The following SLIT3 variants were observed in gnomAD, a reference collection of about 807,000 sequenced individuals.
SLIT3 encodes slit guidance ligand 3.
In SLIT3, 68 loss-of-function variants were observed where a neutral mutation model predicts 184.0. That is an observed-to-expected ratio of 0.37 (90% CI 0.30 to 0.45). The LOEUF (loss-of-function observed/expected upper bound fraction) is 0.45, where lower values mean the gene tolerates loss of function less well. Ranked by LOEUF, SLIT3 falls within the 20% of genes least tolerant of loss-of-function variation. The pLI is 1.00. For missense variants in SLIT3, 1,707 were observed against 2,026.0 expected, an observed-to-expected ratio of 0.84 and a Z score of 3.02; for synonymous variants, 831 against 828.6, an observed-to-expected ratio of 1.00 and a Z score of -0.05.
chr5:169,100,232 G>C (rs1324314393), intron 4 of SLIT3, among the ~76,000 whole-genome samples: 2 of 152,140 alleles, frequency 1.3e-5, no homozygotes. Context: ...GAATCCCCTT[G>C]GGCCCAAGAA....
chr5:168,661,848 A>G lies in SLIT3; in HGVS notation c.*4606T>C, dbSNP rs988365907. ...ATTGAAAAAAGAATGCATGTTATTTATTCCATACTGGGGAAGTGCCACTAT... is the reference window on the plus strand; with the variant it reads ...ATTGAAAAAAGAATGCATGTTATTTGTTCCATACTGGGGAAGTGCCACTAT... On this transcript the variant is annotated 3_prime_UTR_variant, in exon 36 of 36. Transcript: ENST00000519560. 1 of 152,246 alleles carries G rather than the reference A, an allele frequency of 6.6e-6. No homozygotes were observed. The highest frequency in any genetic ancestry group is 6.5e-5 in the Admixed American group (1 of 15,288). The allele number at this position is 152,246 out of a possible 1,614,324, so 9.4% of individuals were successfully genotyped here. A position where few individuals can be genotyped will look rare whatever the true frequency, so the allele number is the denominator to read the frequency against.
chr5:168,794,526 T>C (rs1581089893), intron 10 of SLIT3, among the ~76,000 whole-genome samples: 1 of 152,242 alleles, frequency 6.6e-6, no homozygotes, highest in East Asian at 1.9e-4. Context: ...TCCAGGCTGC[T>C]GTGGTGAGGG....
At chr5:169,171,095 G>A (rs147033986) in intron 4 of SLIT3, among the ~76,000 whole-genome samples, 9 of 152,208 alleles carry the variant, frequency 5.9e-5, no homozygotes, top group African/African-American at 1.9e-4. Context: ...ACCATGCTGA[G>A]GAATTCAGGG....
chr5:169,189,317 G>A (rs1763463351), intron 4 of SLIT3, among the ~76,000 whole-genome samples: 1 of 151,758 alleles, frequency 6.6e-6, no homozygotes, highest in Admixed American at 6.6e-5. Context: ...ATGGCAGTGT[G>A]GTATGGTAGA....
chr5:168,918,525 G>C (rs564906626), intron 4 of SLIT3, among the ~76,000 whole-genome samples: 1 of 152,318 alleles, frequency 6.6e-6, no homozygotes, highest in African/African-American at 2.4e-5. Flanking sequence ...CATTTTATAA[G>C]AGGTTTGTGA....
Position 168,952,844 on chromosome 5 carries a change from G to A in SLIT3, c.414-69508C>T, listed in dbSNP as rs145083748. Among the ~76,000 whole-genome samples, 36 of 152,342 alleles carry A rather than the reference G, an allele frequency of 2.4e-4. No homozygotes were observed. In the East Asian group the frequency reaches 6.7e-3, roughly 29 times the overall value. ...ACCACAGCAATGAGGTTTCGCAGTC[G>A]GGGAGAGAGATTGGGCTCAACTCTG... On this transcript the variant is annotated intron_variant, in intron 4 of 35. Coordinates refer to ENST00000519560, the MANE Select transcript of SLIT3 (RefSeq NM_003062.4).
intron 4 of SLIT3, among the ~76,000 whole-genome samples, chr5:169,142,643 G>A (rs1190179868): frequency 6.6e-6 from 1 of 152,226 alleles, no homozygotes; most frequent in Non-Finnish European, 1.5e-5. Context: ...CCCATAGGGT[G>A]AGCCTGTGCT....
intron 4 of SLIT3, chr5:169,120,259 A>G (rs1254403831): frequency 6.6e-6 from 1 of 152,172 alleles, no homozygotes; most frequent in Non-Finnish European, 1.5e-5. Flanking sequence ...GGCCTTCTCT[A>G]TCTTCCTCAT....
At chr5:169,159,478 T>A (rs940058947) in intron 4 of SLIT3, among the ~76,000 whole-genome samples, 9 of 148,740 alleles carry the variant, frequency 6.1e-5, no homozygotes, top group East Asian at 2.1e-4. Context: ...TAGATTTTTT[T>A]AAAAAGCATG....
In SLIT3 at chr5:168,820,338, G is replaced by A. The variant is rs547858653; in HGVS notation, c.630-2875C>T. 2.0e-5 allele frequency among the ~76,000 whole-genome samples: 3 copies of A among 152,238 alleles called. No homozygotes were observed. The South Asian group carries it at 6.2e-4, about 32-fold the overall frequency. On this transcript the variant is annotated intron_variant, in intron 7 of 35. Transcript: ENST00000519560. The stretch of plus-strand genomic sequence containing the variant: ...AATGGCCTGAGCTCAGGCTGTGATG[G>A]CAAACTGCCTGAGTCTGACACTGGC...
intron 4 of SLIT3, among the ~76,000 whole-genome samples, chr5:169,091,945 G>A (rs1198952281): frequency 6.6e-6 from 1 of 152,188 alleles, no homozygotes; most frequent in Admixed American, 6.5e-5. Context: ...ACTCAGAGTG[G>A]GTGCGGTGGC....
At chr5:169,072,397 C>T (rs1300021105) in intron 4 of SLIT3, among the ~76,000 whole-genome samples, 2 of 152,176 alleles carry the variant, frequency 1.3e-5, no homozygotes, top group Non-Finnish European at 2.9e-5. Flanking sequence ...CTAGTCCTTC[C>T]CCAATGGGTG....
chr5:168,896,182 C>G (rs929996576), intron 4 of SLIT3, among the ~76,000 whole-genome samples: 3 of 152,156 alleles, frequency 2.0e-5, no homozygotes, highest in African/African-American at 7.2e-5. Context: ...CCCCAGGAGG[C>G]AGTGAGGTAC....
At chr5:168,998,424 G>C (rs1349458659) in intron 4 of SLIT3, among the ~76,000 whole-genome samples, 1 of 152,116 alleles carries the variant, frequency 6.6e-6, no homozygotes, top group Non-Finnish European at 1.5e-5. Context: ...CTAAGAAATG[G>C]GCCAGGCGCG....
intron 9 of SLIT3, among the ~76,000 whole-genome samples, chr5:168,805,667 T>C (rs1057080204): frequency 3.9e-5 from 6 of 152,230 alleles, no homozygotes; most frequent in African/African-American, 1.4e-4. Flanking sequence ...CATTCATGTA[T>C]ACACAGAGAC....
intron 4 of SLIT3, among the ~76,000 whole-genome samples, chr5:168,957,728 C>T (rs1473673996): frequency 2.6e-5 from 4 of 152,004 alleles, no homozygotes; most frequent in Admixed American, 2.0e-4. Context: ...GTGTTTTTAA[C>T]AAGCTCCTCC....
intron 4 of SLIT3, among the ~76,000 whole-genome samples, chr5:168,971,164 T>C (rs568419529): frequency 6.6e-6 from 1 of 152,240 alleles, no homozygotes; most frequent in Non-Finnish European, 1.5e-5. Flanking sequence ...AGTACGCTAT[T>C]AGCATATTTC....
At chr5:169,150,839 C>T (rs1762089788) in intron 4 of SLIT3, among the ~76,000 whole-genome samples, 1 of 152,174 alleles carries the variant, frequency 6.6e-6, no homozygotes, top group South Asian at 2.1e-4. Context: ...AATTACCTGC[C>T]ATTCTTAAAA....
At position 169,300,824 on chromosome 5, in the gene SLIT3, CGGA is replaced by C. The variant is rs1269996367; in HGVS notation, c.-118_-116del. On this transcript the variant is annotated 5_prime_UTR_variant, in exon 1 of 36. Transcript: ENST00000519560. This position sits in a 1 kb window ranked among gnomAD's most constrained non-coding sequence, Gnocchi z 4.1. Reference sequence around the variant, plus strand: ...TGGGGAGCGGGCGGCGGAGTTAGCGCGGAGGAGGGGCGAGCTCGGTGCTCAGGC... The same window carrying C: ...TGGGGAGCGGGCGGCGGAGTTAGCGCGGAGGGGCGAGCTCGGTGCTCAGGC... 4 of 1,096,140 alleles carry C rather than the reference CGGA, an allele frequency of 3.6e-6. No individual in the cohort carries two copies. In the African/African-American group the frequency reaches 6.6e-5, roughly 18 times the overall value. The allele number at this position is 1,096,140 out of a possible 1,614,324, so 67.9% of individuals were successfully genotyped here. A position where few individuals can be genotyped will look rare whatever the true frequency, so the allele number is the denominator to read the frequency against.
Sources: gnomAD v4.1 joint callset for allele counts (sites outside exome capture counted in the v4.1 genomes callset) on GRCh38, gnomAD v4.1.1 for gene constraint, Gnocchi (gnomAD v3.1) non-coding constraint, MANE v1.5 for transcripts, NCBI Gene and HGNC (gene_info 2026-07-23, HGNC 2026-07-21) for gene names.